Variants in NBPF8 observed in about 807,000 individuals in gnomAD.
The protein encoded by NBPF8 is NBPF member 8.
intron 20 of NBPF8, among the ~76,000 whole-genome samples, 185 bp downstream of exon 18, chr1:120,462,382 A>G (rs1661616348): frequency 6.7e-6 from 1 of 149,290 alleles, no homozygotes; most frequent in South Asian, 2.1e-4. Context: ...CTTATCATTT[A>G]CTAACTTACT....
chr1:120,457,113 C>T (rs1157716296), intron 16 of NBPF8, among the ~76,000 whole-genome samples: 1 of 152,042 alleles, frequency 6.6e-6, no homozygotes, highest in Non-Finnish European at 1.5e-5. Flanking sequence ...GAAATAGGAA[C>T]ACTTTTACAC....
At position 120,436,516 on chromosome 1, in the gene NBPF8, C is replaced by T. The variant is rs1553247770; in HGVS notation, n.164C>T. The T allele has an allele frequency of 3.1e-4, 469 of 1,515,944 alleles. 1 individual carries two copies. Among genetic ancestry groups the T allele is most frequent in the African/African-American group, 6.7e-4 (49 of 72,994 alleles). The allele number at this position is 1,515,944 out of a possible 1,614,324, so 93.9% of individuals were successfully genotyped here. A position where few individuals can be genotyped will look rare whatever the true frequency, so the allele number is the denominator to read the frequency against. On this transcript the variant is annotated non_coding_transcript_exon_variant, in exon 1 of 25. It adds an upstream start codon to the 5' untranslated region. Transcript: ENST00000583271. Reference sequence around the variant, plus strand: ...CTGACTCCACCTCTTCTGCCACAAACGTCAGCATGGTGGTATCAGCCGGCC... The same window carrying T: ...CTGACTCCACCTCTTCTGCCACAAATGTCAGCATGGTGGTATCAGCCGGCC...
chr1:120,463,192 A>G (rs1325209892), intron 21 of NBPF8, among the ~76,000 whole-genome samples: 1 of 146,910 alleles, frequency 6.8e-6, no homozygotes, highest in Non-Finnish European at 1.5e-5. Flanking sequence ...GCCTGTGGCA[A>G]CCTGAGCCCG....
chr1:120,457,705 T>G (rs1251789870), intron 16 of NBPF8, among the ~76,000 whole-genome samples: 1 of 59,104 alleles, frequency 1.7e-5, no homozygotes, highest in Admixed American at 1.5e-4. Flanking sequence ...GTTGTGCACA[T>G]GTACCCTAAG....
At chr1:120,451,247 G>A in exon 12 of NBPF8, 2 of 1,441,328 alleles carry the variant, frequency 1.4e-6, no homozygotes, top group Non-Finnish European at 1.9e-6. Flanking sequence ...AGGAGGAGAA[G>A]CTTGCAGAGC....
chr1:120,451,983 A>T (rs1476367950), intron 12 of NBPF8, 134 bp from the exon 11 acceptor site: 9 of 1,008,248 alleles, frequency 8.9e-6, no homozygotes, highest in Non-Finnish European at 1.3e-5. Context: ...GGCCACAGAC[A>T]TTCCTTTCAA....
In NBPF8 at chr1:120,454,124, G is replaced by A. The variant is rs1553249396; in HGVS notation, n.2568+10G>A. The A allele has an allele frequency of 2.4e-5, 38 of 1,612,254 alleles. No individual in the cohort carries two copies. Among genetic ancestry groups the A allele is most frequent in the Middle Eastern group, 4.1e-4 (2 of 4,938 alleles). On this transcript the variant is annotated intron_variant and non_coding_transcript_variant, in intron 15 of 24. Transcript: ENST00000583271. ...GTACACATTATTCCAGGTAGCCTCT[G>A]TTTTCCTTGTGTCTCATACCTCTCT...
upstream of NBPF8, chr1:120,436,319 C>T (rs1661074290): frequency 3.3e-6 from 5 of 1,525,660 alleles, no homozygotes; most frequent in African/African-American, 2.7e-5. Context: ...AGTTGAGGCA[C>T]CTCGAACCTT....
chr1:120,464,710 C>A (rs1350064966), intron 23 of NBPF8, among the ~76,000 whole-genome samples, 162 bp downstream of exon 21: 23 of 142,966 alleles, frequency 1.6e-4, no homozygotes, highest in Non-Finnish European at 3.2e-4. Context: ...TACCTGGAAG[C>A]CCAGACAAGG....
intron 3 of NBPF8, among the ~76,000 whole-genome samples, 137 bp downstream of exon 3, chr1:120,427,984 A>G (rs1210676542): frequency 6.6e-6 from 1 of 152,218 alleles, no homozygotes; most frequent in Non-Finnish European, 1.5e-5. Flanking sequence ...TTAAATGATG[A>G]TGTCCCTTGT....
At chr1:120,425,328 C>A (rs1347699456) in intron 1 of NBPF8, among the ~76,000 whole-genome samples, 3 of 151,988 alleles carry the variant, frequency 2.0e-5, no homozygotes, top group Non-Finnish European at 2.9e-5. Flanking sequence ...AGGAGAAAAC[C>A]GCCTTAGGAC....
chr1:120,464,336 T>C, intron 22 of NBPF8, 40 bp from the exon 21 acceptor site: 4 of 761,576 alleles, frequency 5.3e-6, no homozygotes, highest in Non-Finnish European at 9.4e-6. Context: ...TTGTGTCTGA[T>C]TTCCCCTGGC....
chr1:120,460,888 T>A (rs1661565761), intron 18 of NBPF8, among the ~76,000 whole-genome samples: 1 of 151,914 alleles, frequency 6.6e-6, no homozygotes, highest in African/African-American at 2.4e-5. Flanking sequence ...CTTGAGCACA[T>A]TTTATGCAAA....
intron 24 of NBPF8, among the ~76,000 whole-genome samples, 189 bp downstream of exon 22, chr1:120,465,560 C>T (rs1370551047): frequency 9.9e-5 from 13 of 131,542 alleles, no homozygotes; most frequent in Non-Finnish European, 1.6e-4. Context: ...CATTTCCTAA[C>T]GTACCATAGG....
chr1:120,423,864 AGTTT>A (rs1337756219), intron 1 of NBPF8, among the ~76,000 whole-genome samples: 1 of 150,754 alleles, frequency 6.6e-6, no homozygotes, highest in African/African-American at 2.4e-5. Flanking sequence ...GTTGACTTTC[AGTTT>A]GTTCAGCTTT....
At chr1:120,420,418 C>A (rs1487759300) in intron 1 of NBPF8, among the ~76,000 whole-genome samples, 1 of 135,766 alleles carries the variant, frequency 7.4e-6, no homozygotes, top group Non-Finnish European at 1.6e-5. Context: ...TCCCCTCTTA[C>A]CCCCCATTCT....
intron 17 of NBPF8, 149 bp downstream of exon 15, chr1:120,459,679 A>G: frequency 3.5e-6 from 3 of 852,896 alleles, no homozygotes; most frequent in Non-Finnish European, 6.0e-6. Flanking sequence ...ATCACTCTGG[A>G]GTCGAGTCTG....
At chr1:120,460,249 G>A (rs1348777599) in intron 17 of NBPF8, among the ~76,000 whole-genome samples, 5 of 152,046 alleles carry the variant, frequency 3.3e-5, no homozygotes, top group African/African-American at 9.7e-5. Flanking sequence ...GCTTAATATT[G>A]AAGTATCTCT....
At chr1:120,420,542 G>A (rs1482802912) in intron 1 of NBPF8, among the ~76,000 whole-genome samples, 10 of 150,868 alleles carry the variant, frequency 6.6e-5, no homozygotes, top group African/African-American at 2.5e-4. Flanking sequence ...CCAGGCTAAG[G>A]CCCTGCACTG....
Sources: gnomAD v4.1 joint callset for allele counts (sites outside exome capture counted in the v4.1 genomes callset) on GRCh38, gnomAD v4.1.1 for gene constraint, MANE v1.5 for transcripts, NCBI Gene and HGNC (gene_info 2026-07-23, HGNC 2026-07-21) for gene names.